The following ACYP2 variants were observed in gnomAD, a reference collection of about 807,000 sequenced individuals.
ACYP2 encodes acylphosphatase 2.
In ACYP2, 12 loss-of-function variants were observed where a neutral mutation model predicts 11.2. That is an observed-to-expected ratio of 1.08 (90% confidence interval 0.69 to 1.74). ACYP2 has a LOEUF of 1.74. ACYP2 is among the 40% of genes most tolerant of loss of function. ACYP2 has a pLI of 0.00. For synonymous variants in ACYP2, 43 were observed against 32.2 expected, an observed-to-expected ratio of 1.33 and a Z score of -1.13; for missense variants, 134 against 101.9, an observed-to-expected ratio of 1.31 and a Z score of -1.35.
In ACYP2 at chr2:54,022,738, T is replaced by A. The variant is rs192732700; in HGVS notation, c.63-28220T>A. On this transcript the variant is annotated intron_variant, in intron 2 of 6. Coordinates refer to ENST00000607452, the MANE Select transcript of ACYP2 (RefSeq NM_001320586.2). ...GAAGTGGTAGATGCAGAAAGGACTC[T>A]CTGACCATTCACTGAAGCAGGTTGT... 1.5e-3 allele frequency among the ~76,000 whole-genome samples: 232 copies of A among 152,302 alleles called. 1 individual carries two copies. The highest frequency in any genetic ancestry group is 5.5e-3 in the African/African-American group (229 of 41,574).
intron 6 of ACYP2, among the ~76,000 whole-genome samples, chr2:54,186,071 A>T (rs1683978469): frequency 6.6e-6 from 1 of 152,162 alleles, no homozygotes; most frequent in South Asian, 2.1e-4. Context: ...ATGCATGCGA[A>T]ATGTTTAATA....
intron 6 of ACYP2, among the ~76,000 whole-genome samples, chr2:54,182,268 C>G (rs1358751199): frequency 1.3e-5 from 2 of 151,876 alleles, no homozygotes; most frequent in African/African-American, 2.4e-5. Flanking sequence ...TCATGTTGGC[C>G]AGGCTGGTCT....
intron 4 of ACYP2, among the ~76,000 whole-genome samples, chr2:54,101,685 A>C (rs1429346506): frequency 6.6e-6 from 1 of 151,942 alleles, no homozygotes; most frequent in Non-Finnish European, 1.5e-5. Context: ...AAAAAAAAAA[A>C]AAAAACTGCC....
intron 4 of ACYP2, among the ~76,000 whole-genome samples, chr2:54,069,295 G>C (rs914887815): frequency 2.0e-5 from 3 of 151,968 alleles, no homozygotes; most frequent in Non-Finnish European, 2.9e-5. Context: ...CATATATATG[G>C]GGATAATTTG....
intron 4 of ACYP2, among the ~76,000 whole-genome samples, chr2:54,081,788 C>A (rs1025645342): frequency 6.6e-6 from 1 of 152,186 alleles, no homozygotes; most frequent in Non-Finnish European, 1.5e-5. Context: ...GTCAGCTCAG[C>A]TGATTTCAGT....
chr2:54,066,166 C>T (rs1676736826), intron 4 of ACYP2: 1 of 152,120 alleles, frequency 6.6e-6, no homozygotes, highest in Admixed American at 6.5e-5. Flanking sequence ...GAGGGAGGGA[C>T]CTGGTGGGAA....
At chr2:54,062,990 G>A (rs1226358998) in intron 4 of ACYP2, among the ~76,000 whole-genome samples, 3 of 152,066 alleles carry the variant, frequency 2.0e-5, no homozygotes, top group South Asian at 2.1e-4. Flanking sequence ...TCATTAATTC[G>A]ACTATTGACT....
intron 6 of ACYP2, among the ~76,000 whole-genome samples, chr2:54,222,491 A>G (rs1194476751): frequency 6.6e-6 from 1 of 151,170 alleles, no homozygotes; most frequent in Non-Finnish European, 1.5e-5. Context: ...CGGAGGTTGC[A>G]GTGAGCCAAG....
chr2:54,013,311 GTGTGTT>G lies in ACYP2; in HGVS notation c.63-37645_63-37640del, dbSNP rs1290381364. The stretch of plus-strand genomic sequence containing the variant: ...TGTGTGTGTGTGTGTGTGTGTGTGT[GTGTGTT>G]TTGAGACAGAGTCTTGCTCTGTTGC... On this transcript the variant is annotated intron_variant, in intron 2 of 6. Coordinates refer to ENST00000607452, the MANE Select transcript of ACYP2 (RefSeq NM_001320586.2). Among the ~76,000 whole-genome samples the G allele has an allele frequency of 2.9e-3, 355 of 124,012 alleles. 1 individual carries two copies. Among genetic ancestry groups the G allele is most frequent in the Non-Finnish European group, 4.3e-3 (253 of 58,562 alleles). The allele number at this position is 124,012 out of a possible 152,430, so 81.4% of individuals were successfully genotyped here.
rs372338501 is a variant in ACYP2 at position 53,974,754 on chromosome 2, A to G, written c.62+944A>G. ...GCCAGTAGTGATGGTAGTGTTAGCT[A>G]TCATTCATTGAGCATTTCTGTCTGC... is the stretch of plus-strand genomic sequence containing the variant. On this transcript the variant is annotated intron_variant, in intron 2 of 6. Coordinates refer to ENST00000607452, the MANE Select transcript of ACYP2 (RefSeq NM_001320586.2). Among the ~76,000 whole-genome samples the G allele has an allele frequency of 2.1e-4, 32 of 152,322 alleles. No homozygotes were observed. In the East Asian group the frequency reaches 4.6e-3, roughly 22 times the overall value.
chr2:54,286,429 A>G (rs1689080640), intron 6 of ACYP2, among the ~76,000 whole-genome samples: 1 of 152,006 alleles, frequency 6.6e-6, no homozygotes, highest in African/African-American at 2.4e-5. Context: ...GAGTTGAACC[A>G]TTACAAAGAG....
At chr2:54,060,747 T>C (rs2103630989) in intron 4 of ACYP2, among the ~76,000 whole-genome samples, 1 of 152,358 alleles carries the variant, frequency 6.6e-6, no homozygotes, top group Admixed American at 6.5e-5. Context: ...TCTCAAATGC[T>C]TCTAAGTCCT....
At chr2:54,225,599 C>G (rs1685982465) in intron 6 of ACYP2, among the ~76,000 whole-genome samples, 2 of 152,112 alleles carry the variant, frequency 1.3e-5, no homozygotes, top group South Asian at 4.1e-4. Context: ...TGGTGCAACA[C>G]TAACTCTTTG....
At chr2:54,140,350 A>G (rs1300183006) in intron 6 of ACYP2, among the ~76,000 whole-genome samples, 2 of 152,178 alleles carry the variant, frequency 1.3e-5, no homozygotes, top group Non-Finnish European at 2.9e-5. Flanking sequence ...ATCATGTCAT[A>G]TTCCTAATCC....
At chr2:54,067,807 A>G (rs1261623810) in intron 4 of ACYP2, among the ~76,000 whole-genome samples, 1 of 152,248 alleles carries the variant, frequency 6.6e-6, no homozygotes, top group Non-Finnish European at 1.5e-5. Context: ...ATAGATAATT[A>G]TCAGTTCAGT....
At chr2:54,008,334 A>T (rs1252109561) in intron 2 of ACYP2, among the ~76,000 whole-genome samples, 2 of 152,300 alleles carry the variant, frequency 1.3e-5, no homozygotes, top group East Asian at 3.9e-4. Flanking sequence ...TCCAATTGGA[A>T]GTCTTCAGAC....
At chr2:54,014,845 G>A (rs891881842) in intron 2 of ACYP2, among the ~76,000 whole-genome samples, 2 of 151,580 alleles carry the variant, frequency 1.3e-5, no homozygotes, top group African/African-American at 2.4e-5. Context: ...CAGCAATCTC[G>A]GACTCTTGGC....
chr2:53,982,757 G>T (rs1037985790), intron 2 of ACYP2, among the ~76,000 whole-genome samples: 36 of 151,522 alleles, frequency 2.4e-4, no homozygotes, highest in African/African-American at 8.0e-4. Flanking sequence ...GCACTGCTTC[G>T]ACTCAAATGT....
In ACYP2 at chr2:54,153,277, A is replaced by G. The variant is rs898976271; in HGVS notation, c.404+14529A>G. ...TGGAACCTTTGGAAAAAAAAAAATCAGTTGACTGTAAATATGTGGGTTTAT... is the reference window on the plus strand; with the variant it reads ...TGGAACCTTTGGAAAAAAAAAAATCGGTTGACTGTAAATATGTGGGTTTAT... On this transcript the variant is annotated intron_variant, in intron 6 of 6. Transcript: ENST00000607452. 3.3e-5 allele frequency among the ~76,000 whole-genome samples: 5 copies of G among 151,808 alleles called. No homozygotes were observed. The East Asian group carries it at 7.7e-4, about 24-fold the overall frequency.
Sources: allele counts gnomAD v4.1 joint callset (sites outside exome capture counted in the v4.1 genomes callset), GRCh38; gene constraint gnomAD v4.1.1; transcripts MANE v1.5; gene names NCBI Gene and HGNC (gene_info 2026-07-23, HGNC 2026-07-21).